SORD: variants seen among roughly 807,000 people sequenced by gnomAD.
SORD encodes sorbitol dehydrogenase, also known as (R,R)-butanediol dehydrogenase.
A neutral mutation model predicts 35.6 loss-of-function variants in SORD; 18 were observed. That is an observed-to-expected ratio of 0.51 (90% CI 0.35 to 0.75). SORD has a LOEUF of 0.75. Ranked by LOEUF, SORD falls within the 30% of genes least tolerant of loss-of-function variation. The pLI, the probability that SORD is intolerant of heterozygous loss-of-function variation, is 0.01. For synonymous variants in SORD, 106 were observed against 152.9 expected, an observed-to-expected ratio of 0.69 and a Z score of 2.26; for missense variants, 250 against 390.2, an observed-to-expected ratio of 0.64 and a Z score of 3.03.
At chr15:45,045,092 C>G (rs1391683940) in intron 3 of SORD, among the ~76,000 whole-genome samples, 1 of 152,190 alleles carries the variant, frequency 6.6e-6, no homozygotes, top group African/African-American at 2.4e-5. Context: ...CCCAGGGTCA[C>G]TCACTAGTTG....
At position 45,075,284 on chromosome 15, in the gene SORD, T is replaced by C. The variant is rs1001694577; in HGVS notation, c.*1754T>C. The C allele has an allele frequency of 3.8e-5, 5 of 130,210 alleles. 2 individuals are homozygous for C. Among genetic ancestry groups the C allele is most frequent in the African/African-American group, 1.7e-4 (4 of 22,896 alleles). The allele number at this position is 130,210 out of a possible 1,614,324, so 8.1% of individuals were successfully genotyped here. A position where few individuals can be genotyped will look rare whatever the true frequency, so the allele number is the denominator to read the frequency against. On this transcript the variant is annotated 3_prime_UTR_variant, in exon 9 of 9. Coordinates refer to ENST00000267814, the MANE Select transcript of SORD (RefSeq NM_003104.6). ...ACCACCCCCACCAAGCAGCTCCTAC[T>C]GATGAGAAGATGCACTAAGCAGTCT...
chr15:45,029,415 G>A (rs1278162329), intron 1 of SORD, among the ~76,000 whole-genome samples: 1 of 150,732 alleles, frequency 6.6e-6, no homozygotes, highest in Non-Finnish European at 1.5e-5. Context: ...TTGTGGGAGG[G>A]AGCACATGAA....
intron 1 of SORD, among the ~76,000 whole-genome samples, chr15:45,029,731 G>T (rs1048354470): frequency 2.6e-5 from 4 of 152,258 alleles, no homozygotes; most frequent in African/African-American, 4.8e-5. Context: ...ATGAGGTCAC[G>T]CAGATGATTG....
chr15:45,069,207 T>C lies in SORD; in HGVS notation c.786+155T>C, dbSNP rs772171592. ...TGTTTTCTTTTTCTTTTTTTTTTTT[T>C]TTTTTTTTTTTTTTTTTGAGACAGA... is the stretch of plus-strand genomic sequence containing the variant. On this transcript the variant is annotated intron_variant, in intron 7 of 8. Transcript: ENST00000267814. 0.13 allele frequency among the ~76,000 whole-genome samples: 15,931 copies of C among 126,204 alleles called. 3,109 individuals are homozygous for C. The highest frequency in any genetic ancestry group is 0.43 in the African/African-American group (14,139 of 32,734). The allele number at this position is 126,204 out of a possible 152,430, so 82.8% of individuals were successfully genotyped here.
At chr15:45,045,868 G>A (rs1311215638) in intron 3 of SORD, among the ~76,000 whole-genome samples, 2 of 152,122 alleles carry the variant, frequency 1.3e-5, no homozygotes, top group African/African-American at 2.4e-5. Flanking sequence ...GGGTGTGGTA[G>A]TGTGCACCTG....
chr15:45,027,592 C>A (rs1892695686), intron 1 of SORD, among the ~76,000 whole-genome samples: 1 of 152,260 alleles, frequency 6.6e-6, no homozygotes, highest in Non-Finnish European at 1.5e-5. Flanking sequence ...CCAGGGCCTT[C>A]AAACACATGA....
chr15:45,066,074 A>T (rs1243823275), intron 5 of SORD, among the ~76,000 whole-genome samples: 2 of 151,806 alleles, frequency 1.3e-5, no homozygotes, highest in Admixed American at 6.6e-5. Context: ...TGAAACCTCA[A>T]CTTTACTAAA....
At chr15:45,048,738 G>A (rs1405427664) in intron 3 of SORD, among the ~76,000 whole-genome samples, 12 of 152,144 alleles carry the variant, frequency 7.9e-5, no homozygotes, top group African/African-American at 2.2e-4. Context: ...AGGTTGGAAC[G>A]AAAGTTTAAT....
chr15:45,061,757 T>A (rs1893313742), intron 4 of SORD, among the ~76,000 whole-genome samples: 1 of 151,972 alleles, frequency 6.6e-6, no homozygotes, highest in South Asian at 2.1e-4. Flanking sequence ...TAGTCCCAGC[T>A]ACTTGGGAGG....
At position 45,040,459 on chromosome 15, in the gene SORD, A is replaced by C. The variant is rs1277475743; in HGVS notation, c.100+18A>C. Reference sequence around the variant, plus strand: ...CCCAAATGGTAAGTTCTTGGGAAACATGACTTATATTTTATTATTTCCTGT... The same window carrying C: ...CCCAAATGGTAAGTTCTTGGGAAACCTGACTTATATTTTATTATTTCCTGT... On this transcript the variant is annotated intron_variant, in intron 2 of 8. Transcript: ENST00000267814. The C allele has an allele frequency of 6.4e-7, 1 of 1,562,366 alleles. No individual in the cohort carries two copies.
chr15:45,043,601 T>C lies in SORD; in HGVS notation c.265+180T>C, dbSNP rs1016620519. Among the ~76,000 whole-genome samples the C allele has an allele frequency of 1.1e-4, 16 of 147,616 alleles. 2 individuals carry two copies. The highest frequency in any genetic ancestry group is 1.8e-4 in the Non-Finnish European group (12 of 66,304). On this transcript the variant is annotated intron_variant, in intron 3 of 8. Transcript: ENST00000267814. ...GACCTGCAGCAGACAGATAGTTACT[T>C]AGTCACCATGTGTTAAGGGCAGTAG...
chr15:45,061,073 G>C lies in SORD; in HGVS notation c.272G>C (p.Arg91Pro). The change falls in exon 4 of 9, where the codon CGT (arginine) becomes CCT (proline). Residue 91 changes from arginine to proline, a missense_variant. Arg to Pro is a moderately radical substitution (Grantham distance 103). This residue lies in a region of SORD where 126 missense variants were observed against 148.7 expected (regional missense o/e 0.85). Transcript: ENST00000267814. ...SSVKHLKPGDRVAIEPGAPRE... is the reference protein window; with the variant it reads ...SSVKHLKPGDPVAIEPGAPRE... ...TCTTTGTTTTCCTCTCCAGGTGATC[G>C]TGTTGCCATCGAGCCTGGTGCTCCC... The C allele has an allele frequency of 6.2e-7, 1 of 1,614,062 alleles. No individual in the cohort carries two copies. Among genetic ancestry groups the C allele is most frequent in the Middle Eastern group, 1.7e-4 (1 of 6,060 alleles).
intron 5 of SORD, among the ~76,000 whole-genome samples, chr15:45,067,349 G>A (rs1423742862): frequency 1.3e-5 from 2 of 152,146 alleles, no homozygotes; most frequent in African/African-American, 4.8e-5. Context: ...GACAGAGCGA[G>A]ACTCTGTCTC....
chr15:45,026,790 C>T (rs1390412086), intron 1 of SORD, among the ~76,000 whole-genome samples: 2 of 152,238 alleles, frequency 1.3e-5, no homozygotes, highest in African/African-American at 2.4e-5. Flanking sequence ...ATGTCTCAAC[C>T]TTTCCCACTG....
At chr15:45,053,928 A>C (rs1429582539) in intron 3 of SORD, among the ~76,000 whole-genome samples, 1 of 143,118 alleles carries the variant, frequency 7.0e-6, no homozygotes, top group Non-Finnish European at 1.5e-5. Context: ...GTTTACCGAG[A>C]ATGATGATTT....
chr15:45,040,914 C>A (rs1300780534), intron 2 of SORD, among the ~76,000 whole-genome samples: 1 of 152,224 alleles, frequency 6.6e-6, no homozygotes, highest in African/African-American at 2.4e-5. Context: ...GAAGGCCAGT[C>A]ACCAAAGTGT....
At chr15:45,044,942 C>T (rs963627352) in intron 3 of SORD, among the ~76,000 whole-genome samples, 5 of 152,106 alleles carry the variant, frequency 3.3e-5, no homozygotes, top group African/African-American at 1.2e-4. Flanking sequence ...AAGTGATCTG[C>T]CCACCTTTGC....
intron 1 of SORD, among the ~76,000 whole-genome samples, chr15:45,024,085 G>C (rs1475201380): frequency 2.6e-5 from 4 of 152,112 alleles, no homozygotes; most frequent in African/African-American, 7.2e-5. Context: ...CTCTGCCTTA[G>C]ACCCTGCCTT....
At chr15:45,037,460 A>G (rs1892887129) in intron 1 of SORD, among the ~76,000 whole-genome samples, 1 of 152,162 alleles carries the variant, frequency 6.6e-6, no homozygotes, top group African/African-American at 2.4e-5. Context: ...AGGCAAGGCT[A>G]TGAATTGTAT....
Sources: gnomAD v4.1 joint callset for allele counts (sites outside exome capture counted in the v4.1 genomes callset) on GRCh38, gnomAD v4.1.1 for gene constraint, gnomAD v4.1.1 regional missense constraint, MANE v1.5 for transcripts, NCBI Gene and HGNC (gene_info 2026-07-23, HGNC 2026-07-21) for gene names.